The following DOCK1 variants were observed in gnomAD, a reference collection of about 807,000 sequenced individuals.
DOCK1 encodes dedicator of cytokinesis protein 1.
A neutral mutation model predicts 262.7 loss-of-function variants in DOCK1; 138 were observed. That is an observed-to-expected ratio of 0.53 (90% CI 0.46 to 0.61). The LOEUF (loss-of-function observed/expected upper bound fraction) is 0.61, where lower values mean the gene tolerates loss of function less well. Ranked by LOEUF, DOCK1 falls within the 20% of genes least tolerant of loss-of-function variation. DOCK1 has a pLI of 0.00. For synonymous variants in DOCK1, 866 were observed against 867.4 expected (o/e 1.00, Z 0.03); for missense variants, 1,908 against 2,370.7 (o/e 0.80, Z 4.05).
chr10:127,378,306 G>T (rs1466590705), intron 35 of DOCK1, among the ~76,000 whole-genome samples: 2 of 152,166 alleles, frequency 1.3e-5, no homozygotes, highest in African/African-American at 4.8e-5. Context: ...CGTTCTAAAA[G>T]ATCAATGCCT....
intron 27 of DOCK1, among the ~76,000 whole-genome samples, chr10:127,201,012 G>A (rs565272819): frequency 7.2e-5 from 11 of 152,334 alleles, no homozygotes; most frequent in African/African-American, 2.6e-4. Flanking sequence ...CAGTTCAGAA[G>A]CTGTGGTAGC....
chr10:127,239,159 A>G (rs181767150), intron 27 of DOCK1, among the ~76,000 whole-genome samples: 2 of 152,338 alleles, frequency 1.3e-5, no homozygotes, highest in East Asian at 1.9e-4. Flanking sequence ...AGCATTAGGC[A>G]TTTATGACTA....
intron 29 of DOCK1, among the ~76,000 whole-genome samples, chr10:127,303,540 AG>A (rs1468741938): frequency 6.6e-6 from 1 of 151,924 alleles, no homozygotes; most frequent in Non-Finnish European, 1.5e-5. Context: ...AGAAAAAAAA[AG>A]GTTGGCCAGG....
intron 29 of DOCK1, among the ~76,000 whole-genome samples, chr10:127,274,508 A>G (rs1358352183): frequency 6.6e-6 from 1 of 152,158 alleles, no homozygotes; most frequent in Non-Finnish European, 1.5e-5. Flanking sequence ...GATAAGCTAC[A>G]CCAGCGATGG....
intron 29 of DOCK1, among the ~76,000 whole-genome samples, chr10:127,271,566 C>A (rs1249993219): frequency 6.6e-6 from 1 of 152,152 alleles, no homozygotes; most frequent in African/African-American, 2.4e-5. Context: ...ATGCAAGACC[C>A]TTCTGTGTGG....
At chr10:127,424,037 C>G (rs7915531) in intron 46 of DOCK1, among the ~76,000 whole-genome samples, 1,988 of 152,312 alleles carry the variant, frequency 0.013, 48 homozygotes, top group African/African-American at 0.045. Flanking sequence ...GGAACCCACT[C>G]AACTACAGGG....
intron 2 of DOCK1, among the ~76,000 whole-genome samples, chr10:126,977,224 G>A (rs2038612900): frequency 6.6e-6 from 1 of 152,188 alleles, no homozygotes. Context: ...CCAGGGGTGT[G>A]GCTGGGTCTG....
chr10:127,064,971 T>C (rs1466136007), intron 23 of DOCK1, among the ~76,000 whole-genome samples: 1 of 152,190 alleles, frequency 6.6e-6, no homozygotes, highest in Non-Finnish European at 1.5e-5. Context: ...GGGAACCTCA[T>C]GGAAGTGGAC....
chr10:127,407,162 T>A (rs1412943480), intron 40 of DOCK1, among the ~76,000 whole-genome samples: 1 of 152,178 alleles, frequency 6.6e-6, no homozygotes, highest in Non-Finnish European at 1.5e-5. Context: ...GAACTCAGAA[T>A]AAGCTGGGGC....
intron 22 of DOCK1, among the ~76,000 whole-genome samples, chr10:127,055,937 C>T (rs1186763600): frequency 6.6e-6 from 1 of 152,200 alleles, no homozygotes; most frequent in East Asian, 1.9e-4. Flanking sequence ...AACATGATCG[C>T]TCTACCTGCC....
intron 29 of DOCK1, among the ~76,000 whole-genome samples, chr10:127,266,019 G>A (rs1483736598): frequency 1.3e-5 from 2 of 152,234 alleles, no homozygotes; most frequent in Non-Finnish European, 2.9e-5. Flanking sequence ...GAAAGGCACC[G>A]CTTGCCTTAG....
At position 127,137,984 on chromosome 10, in the gene DOCK1, G is replaced by C; in HGVS notation, c.2847+10220G>C. 1.9e-6 allele frequency: 3 copies of C among 1,612,892 alleles called. No homozygotes were observed. The South Asian group carries it at 3.3e-5, about 18-fold the overall frequency. On this transcript the variant is annotated intron_variant, in intron 27 of 51. Coordinates refer to ENST00000623213, the MANE Select transcript of DOCK1 (RefSeq NM_001290223.2). ...GGTGGAGTTTTCTTAGAACCGGCTG[G>C]AGTTTGTCTTCTTGCTGCTTAAAAT... is the stretch of plus-strand genomic sequence containing the variant.
At position 127,043,047 on chromosome 10, in the gene DOCK1, A is replaced by G. The variant is rs11018281; in HGVS notation, c.2101-17A>G. ...ACATTATGTTGCTAATGAAAATATT[A>G]TTGATTAATTTGACAGGTATTTATC... is the stretch of plus-strand genomic sequence containing the variant. On this transcript the variant is annotated splice_polypyrimidine_tract_variant and intron_variant, in intron 20 of 51. Transcript: ENST00000623213. 6,010 of 1,563,238 alleles carry G rather than the reference A, an allele frequency of 3.8e-3. 11 individuals are homozygous for G. The highest frequency in any genetic ancestry group is 4.8e-3 in the Non-Finnish European group (5,514 of 1,141,892).
In DOCK1 at chr10:127,238,876, C is replaced by T. The variant is rs117978944; in HGVS notation, c.2848-9132C>T. ...TGGTTGAGTGTTGCACTTGGCAGTG[C>T]TCTTCATGGTTTTGAATCTTCTTGT... On this transcript the variant is annotated intron_variant, in intron 27 of 51. Transcript: ENST00000623213. Among the ~76,000 whole-genome samples the T allele has an allele frequency of 6.0e-3, 907 of 152,310 alleles. 8 individuals carry two copies. The highest frequency in any genetic ancestry group is 0.01 in the Non-Finnish European group (692 of 68,028).
rs73380417 is a variant in DOCK1, at chr10:127,154,603, T to C, written c.2847+26839T>C. ...CCTGAACATTTACTCTCTGGCTCTTTAGAGAAGAAAATGCCAAGCCTTATG... is the reference window on the plus strand; with the variant it reads ...CCTGAACATTTACTCTCTGGCTCTTCAGAGAAGAAAATGCCAAGCCTTATG... On this transcript the variant is annotated intron_variant, in intron 27 of 51. Coordinates refer to ENST00000623213, the MANE Select transcript of DOCK1 (RefSeq NM_001290223.2). 3.6e-3 allele frequency among the ~76,000 whole-genome samples: 554 copies of C among 152,304 alleles called. 4 individuals are homozygous for C. The highest frequency in any genetic ancestry group is 0.012 in the African/African-American group (518 of 41,572).
chr10:127,019,344 A>G (rs901061950), intron 13 of DOCK1, among the ~76,000 whole-genome samples: 1 of 152,176 alleles, frequency 6.6e-6, no homozygotes, highest in African/African-American at 2.4e-5. Flanking sequence ...AATACTTTTC[A>G]TTTTCCAAAT....
intron 2 of DOCK1, among the ~76,000 whole-genome samples, chr10:126,972,741 C>A (rs2038211402): frequency 2.0e-5 from 3 of 151,970 alleles, no homozygotes; most frequent in South Asian, 4.2e-4. Flanking sequence ...CTAACAGATC[C>A]ATGTTCATGG....
At chr10:127,373,692 T>A in intron 33 of DOCK1, 89 bp from the exon 34 acceptor site, 1 of 1,217,874 alleles carries the variant, frequency 8.2e-7, no homozygotes, top group Non-Finnish European at 1.2e-6. Flanking sequence ...TGATGATCTC[T>A]CTTGCCGATT....
intron 27 of DOCK1, among the ~76,000 whole-genome samples, chr10:127,235,046 A>G (rs1439489208): frequency 6.7e-6 from 1 of 148,952 alleles, no homozygotes; most frequent in Non-Finnish European, 1.5e-5. Context: ...ATACTTATAC[A>G]TAAATCTATA....
Sources: gnomAD v4.1 joint callset for allele counts (sites outside exome capture counted in the v4.1 genomes callset) on GRCh38, gnomAD v4.1.1 for gene constraint, MANE v1.5 for transcripts, NCBI Gene and HGNC (gene_info 2026-07-23, HGNC 2026-07-21) for gene names.